The following USP26 variants were observed in gnomAD, a reference collection of about 807,000 sequenced individuals.
USP26 encodes the protein ubiquitin carboxyl-terminal hydrolase 26.
For missense variants in USP26, 649 were observed against 642.3 expected, an observed-to-expected ratio of 1.01 and a Z score of -0.11; for synonymous variants, 236 against 240.6, an observed-to-expected ratio of 0.98 and a Z score of 0.18.
Position 133,042,374 on chromosome X carries a change from C to T in USP26, c.-76-14078G>A, listed in dbSNP as rs185987375. ...AGGGAATCTCTTGATCTGCAGATTC[C>T]AAAAACCATGGGAAAAGCATAGTAC... On this transcript the variant is annotated intron_variant, in intron 5 of 5. Transcript: ENST00000511190. Among the ~76,000 whole-genome samples the T allele has an allele frequency of 3.5e-3, 390 of 111,728 alleles. 2 individuals are homozygous for T. Among genetic ancestry groups the T allele is most frequent in the African/African-American group, 0.012 (368 of 30,765 alleles).
intron 5 of USP26, among the ~76,000 whole-genome samples, chrX:133,076,400 G>A (rs757608524): frequency 4.5e-5 from 5 of 110,864 alleles, no homozygotes; most frequent in Non-Finnish European, 9.5e-5. Context: ...ACTGCTGATT[G>A]CTGGGCCTTT....
intron 1 of USP26, among the ~76,000 whole-genome samples, 159 bp downstream of exon 1, chrX:133,096,871 G>T (rs916592769): frequency 8.0e-5 from 9 of 111,992 alleles, no homozygotes; most frequent in African/African-American, 2.9e-4. Context: ...CTACAGCCTG[G>T]ATGACAGAAT....
intron 5 of USP26, among the ~76,000 whole-genome samples, chrX:133,041,524 G>T (rs1021626462): frequency 1.8e-5 from 2 of 112,046 alleles, no homozygotes; most frequent in African/African-American, 6.5e-5. Context: ...ACCAGTGGAG[G>T]TTGCAGAACA....
intron 5 of USP26, among the ~76,000 whole-genome samples, chrX:133,036,122 T>TTATA (rs56291269): frequency 0.33 from 34,806 of 106,284 alleles, 5,451 homozygotes; most frequent in Non-Finnish European, 0.46. Flanking sequence ...CTAAAAAAAA[T>TTATA]TATATATATA....
At position 133,084,515 on chromosome X, in the gene USP26, T is replaced by C. The variant is rs919494668; in HGVS notation, c.-141-744A>G. On this transcript the variant is annotated intron_variant, in intron 4 of 5. Transcript: ENST00000511190. ...GGCCTGGCCTGGGGCAGAACTTCTT[T>C]TTTTTTTTTTTTTTTTGAGATGGAA... Among the ~76,000 whole-genome samples the C allele has an allele frequency of 6.2e-5, 6 of 96,631 alleles. No individual in the cohort carries two copies. In the East Asian group the frequency reaches 1.6e-3, roughly 26 times the overall value. The allele number at this position is 96,631 out of a possible 115,157, so 83.9% of individuals were successfully genotyped here. A position where few individuals can be genotyped will look rare whatever the true frequency, so the allele number is the denominator to read the frequency against.
intron 5 of USP26, among the ~76,000 whole-genome samples, chrX:133,082,043 C>G (rs1373228374): frequency 9.0e-6 from 1 of 111,677 alleles, no homozygotes; most frequent in African/African-American, 3.3e-5. Flanking sequence ...AAGTCCCAGA[C>G]CTGTGATATC....
Position 133,026,169 on chromosome X carries a change from G to A in USP26, c.2052C>T (p.Leu684=), listed in dbSNP as rs762648102. The change falls in exon 6 of 6, where the codon CTC becomes CTT. Residue 684 remains leucine, a synonymous_variant. Transcript: ENST00000511190. ...GCACTGTTTGAAAGTCAACTTTTGAGAGAGGTGTGCCTGGGCTGCTGGCAG... is the reference window on the plus strand; with the variant it reads ...GCACTGTTTGAAAGTCAACTTTTGAAAGAGGTGTGCCTGGGCTGCTGGCAG... ...GKPASSPGTP[L]SKVDFQTVPE... is the part of the protein sequence containing the mutation. 1.7e-6 allele frequency: 2 copies of A among 1,210,938 alleles called. No homozygotes were observed. Among genetic ancestry groups the A allele is most frequent in the Non-Finnish European group, 2.2e-6 (2 of 895,399 alleles).
intron 5 of USP26, among the ~76,000 whole-genome samples, chrX:133,081,129 T>C (rs1490015121): frequency 9.0e-6 from 1 of 110,677 alleles, no homozygotes; most frequent in African/African-American, 3.3e-5. Context: ...GACTTTGAGC[T>C]ATCATTTTGC....
At chrX:133,057,195 G>A (rs961497290) in intron 5 of USP26, among the ~76,000 whole-genome samples, 5 of 111,080 alleles carry the variant, frequency 4.5e-5, no homozygotes, top group African/African-American at 1.6e-4. Flanking sequence ...CCTTCATCTA[G>A]GTTTTAAGCC....
intron 5 of USP26, 41 bp downstream of exon 5, chrX:133,083,666 T>A (rs1001846566): frequency 9.0e-6 from 1 of 111,657 alleles, no homozygotes; most frequent in African/African-American, 3.3e-5. Context: ...TAATACATAT[T>A]TTTAAAATAA....
chrX:133,041,837 T>C (rs1602972916), intron 5 of USP26, among the ~76,000 whole-genome samples: 1 of 112,162 alleles, frequency 8.9e-6, no homozygotes, highest in East Asian at 2.8e-4. Flanking sequence ...ACGTGCTCTG[T>C]CCTAGGGAGA....
intron 5 of USP26, among the ~76,000 whole-genome samples, chrX:133,081,593 G>C (rs2067570517): frequency 8.9e-6 from 1 of 111,907 alleles, no homozygotes; most frequent in Non-Finnish European, 1.9e-5. Flanking sequence ...ACCATGCCCG[G>C]CTATGTCACT....
At chrX:133,082,441 G>A (rs923283219) in intron 5 of USP26, among the ~76,000 whole-genome samples, 3 of 111,681 alleles carry the variant, frequency 2.7e-5, no homozygotes, top group African/African-American at 9.8e-5. Context: ...ATTTTTCTGA[G>A]CGGTTTTCAG....
intron 5 of USP26, among the ~76,000 whole-genome samples, chrX:133,028,499 C>T (rs1241432740): frequency 8.9e-6 from 1 of 111,800 alleles, no homozygotes; most frequent in Non-Finnish European, 1.9e-5. Context: ...TGGCAAAAAT[C>T]AGGAAACATT....
intron 5 of USP26, among the ~76,000 whole-genome samples, chrX:133,045,635 T>C (rs938877486): frequency 3.6e-5 from 4 of 110,991 alleles, no homozygotes; most frequent in African/African-American, 1.3e-4. Flanking sequence ...ACGGGCCGCC[T>C]TATGAGCTGT....
intron 4 of USP26, among the ~76,000 whole-genome samples, chrX:133,086,687 G>A (rs781378034): frequency 1.8e-5 from 2 of 110,415 alleles, no homozygotes; most frequent in South Asian, 3.9e-4. Flanking sequence ...CAAGGCGGGC[G>A]GATCATTTGA....
At chrX:133,050,092 T>A (rs1364373663) in intron 5 of USP26, among the ~76,000 whole-genome samples, 1 of 112,432 alleles carries the variant, frequency 8.9e-6, no homozygotes, top group East Asian at 2.8e-4. Context: ...CTAACTAACG[T>A]CTTTTGTCCC....
At chrX:133,040,190 C>T (rs1040052177) in intron 5 of USP26, among the ~76,000 whole-genome samples, 17 of 111,900 alleles carry the variant, frequency 1.5e-4, no homozygotes, top group African/African-American at 2.9e-4. Context: ...AGCCCATTTA[C>T]GTTTAAGGTT....
Position 133,065,797 on chromosome X carries a change from TC to T in USP26, c.-77+17909del, listed in dbSNP as rs781539040. ...CTGAATGAGCAAAAGCTGGAAGCAT[TC>T]CCTTTGAAACTGGCACAAGACAAGG... On this transcript the variant is annotated intron_variant, in intron 5 of 5. Coordinates refer to ENST00000511190, the MANE Select transcript of USP26 (RefSeq NM_031907.3). 4.2e-4 allele frequency among the ~76,000 whole-genome samples: 47 copies of T among 112,052 alleles called. No homozygotes were observed. The South Asian group carries it at 0.017, about 41-fold the overall frequency.
Sources: gnomAD v4.1 joint callset for allele counts (sites outside exome capture counted in the v4.1 genomes callset) on GRCh38, gnomAD v4.1.1 for gene constraint, MANE v1.5 for transcripts, NCBI Gene and HGNC (gene_info 2026-07-23, HGNC 2026-07-21) for gene names.